TTLL6: variants seen among roughly 807,000 people sequenced by gnomAD.
TTLL6 encodes the protein tubulin polyglutamylase TTLL6.
Under a neutral mutation model 96.4 loss-of-function variants are expected in TTLL6, and 75 were observed. The ratio of observed to expected loss-of-function variants is 0.78; its 90% CI spans 0.65 to 0.94. TTLL6 has a LOEUF of 0.94. Ranked by LOEUF, TTLL6 falls within the 40% of genes least tolerant of loss-of-function variation. The pLI is 0.00. For synonymous variants in TTLL6, 411 were observed against 419.4 expected, an observed-to-expected ratio of 0.98 and a Z score of 0.24; for missense variants, 1,030 against 1,093.0, an observed-to-expected ratio of 0.94 and a Z score of 0.81.
chr17:48,796,841 C>T (rs945801507), intron 7 of TTLL6, among the ~76,000 whole-genome samples: 1 of 152,094 alleles, frequency 6.6e-6, no homozygotes, highest in Non-Finnish European at 1.5e-5. Flanking sequence ...TGACCTTGGA[C>T]AAGTCCCTTA....
chr17:48,800,250 G>A (rs1220199761), intron 5 of TTLL6: 1 of 153,884 alleles, frequency 6.5e-6, no homozygotes, highest in African/African-American at 2.4e-5. Context: ...CTCACCCCAT[G>A]CTGGGCTTCA....
chr17:48,764,087 GA>G (rs1278845160), intron 15 of TTLL6, among the ~76,000 whole-genome samples: 1 of 152,072 alleles, frequency 6.6e-6, no homozygotes, highest in Admixed American at 6.5e-5. Context: ...AGTGAGCCAT[GA>G]TAGTGCCACT....
At position 48,804,885 on chromosome 17, in the gene TTLL6, G is replaced by A. The variant is rs1488369554; in HGVS notation, c.210C>T (p.Ser70=). ...CGACGGTTTCTTTTGGATCTTCTTT[G>A]GAACTGTCCCCCTTCTCTTCGGAGT... The part of the protein sequence containing the change: ...GENSEEKGDS[S]KEDPKETVAL... The change falls in exon 2 of 16, where the codon TCC becomes TCT. Residue 70 remains serine, a synonymous_variant. Coordinates refer to ENST00000393382, the MANE Select transcript of TTLL6 (RefSeq NM_001130918.3). 6.4e-7 allele frequency: 1 copy of A among 1,552,092 alleles called. No homozygotes were observed. The highest frequency in any genetic ancestry group is 8.7e-7 in the Non-Finnish European group (1 of 1,147,114).
chr17:48,786,368 G>T, intron 11 of TTLL6, 33 bp from the exon 12 acceptor site: 1 of 1,613,652 alleles, frequency 6.2e-7, no homozygotes, highest in Non-Finnish European at 8.5e-7. Flanking sequence ...CATCATGGGG[G>T]TTAGAAATGC....
chr17:48,802,072 GAAAGAA>G, intron 3 of TTLL6, among the ~76,000 whole-genome samples: 1 of 94,880 alleles, frequency 1.1e-5, no homozygotes, highest in South Asian at 3.4e-4. Context: ...AGAAAAGAAA[GAAAGAA>G]AAAGAAAGAA....
intron 13 of TTLL6, among the ~76,000 whole-genome samples, chr17:48,778,351 G>A (rs1489535039): frequency 6.7e-6 from 1 of 149,856 alleles, no homozygotes; most frequent in Non-Finnish European, 1.5e-5. Flanking sequence ...AAGGAAGGAA[G>A]GAAGAGCTAT....
At chr17:48,799,861 G>T in intron 5 of TTLL6, 101 bp from the exon 6 acceptor site, 2 of 1,094,940 alleles carry the variant, frequency 1.8e-6, no homozygotes, top group Non-Finnish European at 2.6e-6. Context: ...TGTCTAATGT[G>T]ACAAATCCCT....
At chr17:48,806,651 A>G (rs965131704) in intron 1 of TTLL6, among the ~76,000 whole-genome samples, 11 of 152,178 alleles carry the variant, frequency 7.2e-5, no homozygotes, top group Non-Finnish European at 1.6e-4. Context: ...GGCTTAGAAA[A>G]TGAGGTAGGA....
In TTLL6 at chr17:48,804,666, C is replaced by A. The variant is rs998527917; in HGVS notation, c.323+106G>T. On this transcript the variant is annotated intron_variant, in intron 2 of 15. Coordinates refer to ENST00000393382, the MANE Select transcript of TTLL6 (RefSeq NM_001130918.3). ...TGGTGAGATGTTGACAGTCTCAGCA[C>A]ACAGTTTCTCCTTTACTCTCTCATC... The A allele has an allele frequency of 2.0e-4, 186 of 949,834 alleles. 2 individuals are homozygous for A. The South Asian group carries it at 2.2e-3, about 11-fold the overall frequency. 58.8% of individuals were successfully genotyped at this position (949,834 alleles called of 1,614,324 possible).
intron 1 of TTLL6, among the ~76,000 whole-genome samples, chr17:48,810,821 GTGTGTATATA>G (rs1239450785): frequency 3.9e-5 from 2 of 51,676 alleles, no homozygotes; most frequent in African/African-American, 9.4e-5. Context: ...TATAGTATGT[GTGTGTATATA>G]TATATATATA....
At chr17:48,792,608 C>T (rs924564434) in intron 8 of TTLL6, among the ~76,000 whole-genome samples, 1 of 152,140 alleles carries the variant, frequency 6.6e-6, no homozygotes, top group African/African-American at 2.4e-5. Context: ...CATGCAAAGC[C>T]TCATGCAAGG....
intron 15 of TTLL6, chr17:48,765,565 C>A (rs918036636): frequency 2.0e-5 from 3 of 152,162 alleles, no homozygotes; most frequent in Non-Finnish European, 4.4e-5. Context: ...GAGATGGGGT[C>A]TTGCTATGTT....
intron 13 of TTLL6, among the ~76,000 whole-genome samples, chr17:48,778,475 T>C (rs4793987): frequency 0.28 from 42,804 of 151,528 alleles, 6,999 homozygotes; most frequent in Non-Finnish European, 0.38. Flanking sequence ...ATTCCCACAA[T>C]GGAATAGTCA....
At chr17:48,781,843 A>T (rs1477067737) in intron 13 of TTLL6, among the ~76,000 whole-genome samples, 1 of 152,160 alleles carries the variant, frequency 6.6e-6, no homozygotes, top group African/African-American at 2.4e-5. Flanking sequence ...CCCTTATAAA[A>T]GAAGCTTCAG....
Position 48,786,174 on chromosome 17 carries a change from G to T in TTLL6, c.1751C>A (p.Ala584Asp). 6.2e-7 allele frequency: 1 copy of T among 1,614,208 alleles called. No homozygotes were observed. The highest frequency in any genetic ancestry group is 1.7e-5 in the Admixed American group (1 of 60,012). ...TCAATCCAGGTTTACCTGTTTGGAG[G>T]CTTGGGTGGCGGCCTTGTCTTTCTG... ...QQQKDKAATQ[A>D]SKQYIQPLTL... Residue 584 changes from alanine to aspartate, a missense_variant, in exon 12 of 16, where the codon GCC becomes GAC. Coordinates refer to ENST00000393382, the MANE Select transcript of TTLL6 (RefSeq NM_001130918.3).
At chr17:48,773,476 C>T (rs547442932) in intron 13 of TTLL6, among the ~76,000 whole-genome samples, 1 of 152,300 alleles carries the variant, frequency 6.6e-6, no homozygotes, top group East Asian at 1.9e-4. Flanking sequence ...AATCCCAGCA[C>T]TTTGACAAGC....
At chr17:48,804,711 C>T in intron 2 of TTLL6, 61 bp downstream of exon 2, 1 of 1,412,798 alleles carries the variant, frequency 7.1e-7, no homozygotes, top group Non-Finnish European at 9.8e-7. Flanking sequence ...GACCCCCTTC[C>T]CTCCAAGTCC....
chr17:48,769,945 G>A lies in TTLL6; in HGVS notation c.2193C>T (p.Thr731=). Reference sequence around the variant, plus strand: ...TTTTCTTCTGGGTTAAGTGTGGAGGGGTCTGCTGCTTCTTGCATTTAAAGG... The same window carrying A: ...TTTTCTTCTGGGTTAAGTGTGGAGGAGTCTGCTGCTTCTTGCATTTAAAGG... ...VVSFKCKKQQ[T]PPHLTQKKML... is the part of the protein sequence containing the mutation. The change falls in exon 14 of 16, where the codon ACC becomes ACT. Residue 731 remains threonine, a synonymous_variant. Coordinates refer to ENST00000393382, the MANE Select transcript of TTLL6 (RefSeq NM_001130918.3). 1 of 1,614,142 alleles carries A rather than the reference G, an allele frequency of 6.2e-7. No individual in the cohort carries two copies.
chr17:48,771,168 T>G (rs2038736531), intron 13 of TTLL6, among the ~76,000 whole-genome samples: 1 of 152,120 alleles, frequency 6.6e-6, no homozygotes, highest in African/African-American at 2.4e-5. Context: ...ATGTGCAGTT[T>G]GGCGTGACTG....
Sources: gnomAD v4.1 joint callset for allele counts (sites outside exome capture counted in the v4.1 genomes callset) on GRCh38, gnomAD v4.1.1 for gene constraint, MANE v1.5 for transcripts, NCBI Gene and HGNC (gene_info 2026-07-23, HGNC 2026-07-21) for gene names.